SNX6: variants seen among roughly 807,000 people sequenced by gnomAD.
SNX6 encodes the protein sorting nexin 6.
In SNX6, 34 loss-of-function variants were observed where a neutral mutation model predicts 63.0. That is an observed-to-expected ratio of 0.54 (90% confidence interval 0.41 to 0.72). The LOEUF (loss-of-function observed/expected upper bound fraction) is 0.72. Ranked by LOEUF, SNX6 falls within the 30% of genes least tolerant of loss-of-function variation. SNX6 has a pLI of 0.00. For missense variants in SNX6, 398 were observed against 471.4 expected (o/e 0.84, Z 1.44); for synonymous variants, 170 against 164.2 (o/e 1.04, Z -0.27).
chr14:34,600,931 T>C (rs1489390359), intron 6 of SNX6, among the ~76,000 whole-genome samples: 1 of 150,578 alleles, frequency 6.6e-6, no homozygotes, highest in Non-Finnish European at 1.5e-5. Context: ...GGCAGAGGAG[T>C]CGCTTGAACC....
At chr14:34,563,983 C>A (rs1881052951) in intron 13 of SNX6, among the ~76,000 whole-genome samples, 1 of 152,050 alleles carries the variant, frequency 6.6e-6, no homozygotes, top group South Asian at 2.1e-4. Flanking sequence ...AGGTGATCCG[C>A]CTACCTCAGC....
intron 9 of SNX6, 100 bp from the exon 10 acceptor site, chr14:34,581,700 C>A: frequency 1.5e-6 from 1 of 650,030 alleles, no homozygotes. Flanking sequence ...AACACCTTGT[C>A]TCATTGCAGT....
rs550877010 is a variant in SNX6 at position 34,609,324 on chromosome 14, A to G, written c.159+314T>C. On this transcript the variant is annotated intron_variant, in intron 3 of 13. Coordinates refer to ENST00000362031, the MANE Select transcript of SNX6 (RefSeq NM_152233.4). The stretch of plus-strand genomic sequence containing the variant: ...GTCTCTACTAAAAAAAGAAAAAAAT[A>G]CAAAAAATTAGCCGGACATGGTGGT... Among the ~76,000 whole-genome samples the G allele has an allele frequency of 6.6e-5, 10 of 151,522 alleles. No homozygotes were observed. In the East Asian group the frequency reaches 2.0e-3, roughly 30 times the overall value.
chr14:34,624,091 C>T (rs1437512863), intron 2 of SNX6, among the ~76,000 whole-genome samples: 1 of 149,108 alleles, frequency 6.7e-6, no homozygotes, highest in East Asian at 2.1e-4. Flanking sequence ...TTTTAAATTT[C>T]TCACAAAACA....
intron 6 of SNX6, among the ~76,000 whole-genome samples, chr14:34,598,098 C>G (rs1882671058): frequency 6.6e-6 from 1 of 152,128 alleles, no homozygotes; most frequent in Admixed American, 6.6e-5. Context: ...ATTTGGAACT[C>G]TGAACTCATC....
intron 2 of SNX6, among the ~76,000 whole-genome samples, chr14:34,622,052 G>A (rs548448983): frequency 1.4e-5 from 2 of 143,444 alleles, no homozygotes; most frequent in South Asian, 4.3e-4. Flanking sequence ...TCTGCCTCCT[G>A]GGTTCAAGCG....
chr14:34,604,540 G>C (rs1401394953), intron 5 of SNX6, among the ~76,000 whole-genome samples: 1 of 152,072 alleles, frequency 6.6e-6, no homozygotes, highest in Non-Finnish European at 1.5e-5. Flanking sequence ...ATGAAGGGGA[G>C]AAATGACCAG....
chr14:34,584,705 A>C (rs1882078944), intron 9 of SNX6, among the ~76,000 whole-genome samples: 2 of 152,072 alleles, frequency 1.3e-5, no homozygotes, highest in Admixed American at 1.3e-4. Context: ...CTTACACACA[A>C]ATCAGCCCAT....
At chr14:34,571,672 T>C (rs1255717267) in intron 11 of SNX6, among the ~76,000 whole-genome samples, 1 of 152,142 alleles carries the variant, frequency 6.6e-6, no homozygotes, top group Admixed American at 6.6e-5. Flanking sequence ...GTGTATAATA[T>C]TATAATGGTG....
In SNX6 at chr14:34,562,350, C is replaced by G. The variant is rs538347802; in HGVS notation, c.*772G>C. 6.6e-6 allele frequency: 1 copy of G among 152,256 alleles called. No homozygotes were observed. The highest frequency in any genetic ancestry group is 6.5e-5 in the Admixed American group (1 of 15,270). 9.4% of individuals were successfully genotyped at this position (152,256 alleles called of 1,614,324 possible). On this transcript the variant is annotated 3_prime_UTR_variant, in exon 14 of 14. Transcript: ENST00000362031. ...TGTAAAGGGATTGGTGGACTTTGTT[C>G]GAGATGCCATTTCAAAAGAAATGAG...
chr14:34,628,578 A>G (rs1883918390), intron 2 of SNX6, among the ~76,000 whole-genome samples: 1 of 152,124 alleles, frequency 6.6e-6, no homozygotes. Flanking sequence ...GCAGTGAGCT[A>G]TAACCATGCC....
Position 34,600,352 on chromosome 14 carries a change from C to T in SNX6, c.517-2707G>A, listed in dbSNP as rs112167271. 9.9e-3 allele frequency among the ~76,000 whole-genome samples: 1,513 copies of T among 152,270 alleles called. 30 individuals are homozygous for T. The highest frequency in any genetic ancestry group is 0.034 in the African/African-American group (1,418 of 41,528). ...TGTTGCCCAGGCTGGTCTTGAACTA[C>T]TGGCCTCAAGTGAATACCTTGCCTT... On this transcript the variant is annotated intron_variant, in intron 6 of 13. Transcript: ENST00000362031.
At chr14:34,621,276 G>A (rs1566494019) in intron 2 of SNX6, among the ~76,000 whole-genome samples, 3 of 151,970 alleles carry the variant, frequency 2.0e-5, no homozygotes, top group African/African-American at 4.8e-5. Context: ...CCTCTGATTC[G>A]CCTCCTACCC....
At chr14:34,579,599 C>G (rs1004334260) in intron 10 of SNX6, among the ~76,000 whole-genome samples, 18 of 151,802 alleles carry the variant, frequency 1.2e-4, no homozygotes, top group African/African-American at 4.4e-4. Flanking sequence ...AGAGTGAGAC[C>G]CCGTCTCTAA....
intron 2 of SNX6, among the ~76,000 whole-genome samples, chr14:34,614,154 T>C (rs1883335430): frequency 6.6e-6 from 1 of 151,578 alleles, no homozygotes; most frequent in Non-Finnish European, 1.5e-5. Context: ...TGGCTGGGTG[T>C]AGCAGCTCAC....
intron 7 of SNX6, among the ~76,000 whole-genome samples, chr14:34,597,332 T>C (rs1426566433): frequency 2.0e-5 from 3 of 152,308 alleles, no homozygotes; most frequent in East Asian, 1.9e-4. Flanking sequence ...TGGGCTTCAG[T>C]TGGGCAAATT....
intron 11 of SNX6, chr14:34,569,026 TC>T: frequency 6.9e-7 from 1 of 1,455,316 alleles, no homozygotes; most frequent in Non-Finnish European, 9.6e-7. Flanking sequence ...CTTGACGGTG[TC>T]CACCCATTCG....
intron 11 of SNX6, among the ~76,000 whole-genome samples, chr14:34,570,373 C>CTT (rs147036265): frequency 4.0e-4 from 57 of 143,396 alleles, no homozygotes; most frequent in Middle Eastern, 3.7e-3. Flanking sequence ...GTCTTACCAG[C>CTT]TTTTTTTTTT....
chr14:34,607,997 A>G, intron 4 of SNX6, 33 bp downstream of exon 4: 1 of 1,146,364 alleles, frequency 8.7e-7, no homozygotes, highest in Non-Finnish European at 1.3e-6. Flanking sequence ...AACCTCCTAG[A>G]AAATGGAATT....
Sources: allele counts gnomAD v4.1 joint callset (sites outside exome capture counted in the v4.1 genomes callset), GRCh38; gene constraint gnomAD v4.1.1; transcripts MANE v1.5; gene names NCBI Gene and HGNC (gene_info 2026-07-23, HGNC 2026-07-21).